The following ENOX2 variants were observed in gnomAD, a reference collection of about 807,000 sequenced individuals.
ENOX2 encodes ecto-NOX disulfide-thiol exchanger 2, also known as APK1 antigen.
In ENOX2, 36 loss-of-function variants were observed where a neutral mutation model predicts 45.0. That is an observed-to-expected ratio of 0.80 (90% CI 0.61 to 1.06). The LOEUF (loss-of-function observed/expected upper bound fraction) is 1.06, where lower values mean the gene tolerates loss of function less well. Ranked by LOEUF, ENOX2 falls within the 50% of genes least tolerant of loss-of-function variation. The pLI is 0.00. For synonymous variants in ENOX2, 174 were observed against 152.3 expected (o/e 1.14, Z -1.05); for missense variants, 423 against 462.5 (o/e 0.91, Z 0.78).
intron 3 of ENOX2, among the ~76,000 whole-genome samples, chrX:130,764,810 A>G (rs775795482): frequency 8.9e-6 from 1 of 112,085 alleles, no homozygotes; most frequent in East Asian, 2.8e-4. Context: ...GTACATCTAT[A>G]GAGTAATTTC....
At chrX:130,661,739 T>G (rs1013281386) in intron 9 of ENOX2, among the ~76,000 whole-genome samples, 12 of 112,637 alleles carry the variant, frequency 1.1e-4, no homozygotes, top group African/African-American at 3.9e-4. Flanking sequence ...CAACAGCCGG[T>G]GTTAGTGCAG....
intron 3 of ENOX2, among the ~76,000 whole-genome samples, chrX:130,734,300 A>G (rs1043932598): frequency 5.3e-5 from 6 of 112,194 alleles, no homozygotes; most frequent in Admixed American, 4.7e-4. Context: ...AAGTCCTCCA[A>G]GCAGCTCTGT....
chrX:130,813,360 A>G (rs2077425033), intron 2 of ENOX2, among the ~76,000 whole-genome samples: 1 of 112,516 alleles, frequency 8.9e-6, no homozygotes, highest in Non-Finnish European at 1.9e-5. Flanking sequence ...ACCTTATCTT[A>G]CACATATACA....
At chrX:130,692,628 T>C (rs184606976) in intron 4 of ENOX2, among the ~76,000 whole-genome samples, 1 of 106,219 alleles carries the variant, frequency 9.4e-6, no homozygotes, top group Non-Finnish European at 1.9e-5. Context: ...TTGCCCAGGC[T>C]GGAGTGGAGT....
intron 2 of ENOX2, among the ~76,000 whole-genome samples, chrX:130,875,708 C>T (rs1383038004): frequency 1.8e-5 from 2 of 111,393 alleles, no homozygotes; most frequent in Non-Finnish European, 3.8e-5. Flanking sequence ...TCTTAGAAAA[C>T]ATGAAAGTGA....
intron 3 of ENOX2, among the ~76,000 whole-genome samples, chrX:130,777,480 A>ACT (rs1314517134): frequency 4.3e-4 from 41 of 95,351 alleles, no homozygotes; most frequent in African/African-American, 1.5e-3. Context: ...ACAGAGTGAG[A>ACT]CTCTCTCTCT....
intron 13 of ENOX2, among the ~76,000 whole-genome samples, chrX:130,630,692 T>C (rs929568143): frequency 7.2e-5 from 8 of 111,368 alleles, no homozygotes; most frequent in African/African-American, 2.3e-4. Context: ...TAGCAAATTA[T>C]CAAACCTGGG....
At chrX:130,768,490 C>T (rs774304535) in intron 3 of ENOX2, among the ~76,000 whole-genome samples, 1 of 112,057 alleles carries the variant, frequency 8.9e-6, no homozygotes, top group East Asian at 2.8e-4. Flanking sequence ...TTTCCAACCA[C>T]CCCAGCCTGC....
chrX:130,664,137 T>C (rs1250214108), intron 9 of ENOX2, among the ~76,000 whole-genome samples: 1 of 112,400 alleles, frequency 8.9e-6, no homozygotes, highest in Non-Finnish European at 1.9e-5. Context: ...GATTTCTTTC[T>C]AGTGACTCCC....
At chrX:130,709,924 C>T (rs993688993) in intron 3 of ENOX2, among the ~76,000 whole-genome samples, 5 of 109,936 alleles carry the variant, frequency 4.5e-5, no homozygotes, top group Admixed American at 9.7e-5. Flanking sequence ...TAGCCCCCCA[C>T]CCCCTGACAG....
At chrX:130,766,027 C>A (rs1201794175) in intron 3 of ENOX2, among the ~76,000 whole-genome samples, 1 of 111,361 alleles carries the variant, frequency 9.0e-6, no homozygotes, top group Non-Finnish European at 1.9e-5. Flanking sequence ...ATTCTAATTA[C>A]ATAAGAAAGA....
chrX:130,637,355 C>T lies in ENOX2; in HGVS notation c.1185G>A (p.Gln395=). Reference sequence around the variant, plus strand: ...CTACTTCATTCCGGTAGGCATCGAGCTGCCAACGGAGGCTGTCATTTTCTT... The same window carrying T: ...CTACTTCATTCCGGTAGGCATCGAGTTGCCAACGGAGGCTGTCATTTTCTT... The part of the protein sequence containing the change: ...LKEENDSLRW[Q]LDAYRNEVEL... The change falls in exon 11 of 15, where the codon CAG becomes CAA. Residue 395 remains glutamine (Q), a synonymous_variant. Coordinates refer to ENST00000394363, the MANE Select transcript of ENOX2 (RefSeq NM_006375.4). The T allele has an allele frequency of 8.3e-7, 1 of 1,210,614 alleles. No homozygotes were observed.
intron 6 of ENOX2, among the ~76,000 whole-genome samples, chrX:130,672,812 C>T (rs1049913934): frequency 2.7e-5 from 3 of 111,443 alleles, no homozygotes; most frequent in Admixed American, 1.9e-4. Flanking sequence ...GAAGAGACCT[C>T]GGCACATTTC....
chrX:130,677,406 G>C (rs2037181270), intron 6 of ENOX2, among the ~76,000 whole-genome samples: 1 of 112,118 alleles, frequency 8.9e-6, no homozygotes. Flanking sequence ...ATAGCATCTA[G>C]CACAAGAGTT....
rs763643547 is a variant in ENOX2 at position 130,697,083 on chromosome X, A to C, written c.97+6037T>G. On this transcript the variant is annotated intron_variant, in intron 4 of 14. Coordinates refer to ENST00000394363, the MANE Select transcript of ENOX2 (RefSeq NM_006375.4). The stretch of plus-strand genomic sequence containing the variant: ...ATAAGCTGCCTCAAAGTCTTTGCTG[A>C]ATGAGGTGATGTAACTCAATAGTTA... 1.5e-4 allele frequency among the ~76,000 whole-genome samples: 17 copies of C among 111,590 alleles called. No homozygotes were observed. The South Asian group carries it at 5.7e-3, about 37-fold the overall frequency.
chrX:130,662,176 G>A (rs1425882052), intron 9 of ENOX2, among the ~76,000 whole-genome samples: 11 of 112,070 alleles, frequency 9.8e-5, no homozygotes, highest in Non-Finnish European at 1.5e-4. Flanking sequence ...GTTTTCAGTT[G>A]TATTAGCAGG....
chrX:130,824,170 T>C (rs1239956555), intron 2 of ENOX2, among the ~76,000 whole-genome samples: 6 of 111,817 alleles, frequency 5.4e-5, no homozygotes, highest in Non-Finnish European at 1.1e-4. Context: ...GAAAGAAATA[T>C]ACCGAATTAT....
intron 3 of ENOX2, among the ~76,000 whole-genome samples, chrX:130,705,061 C>G (rs2038001674): frequency 1.8e-5 from 2 of 112,301 alleles, no homozygotes; most frequent in Non-Finnish European, 3.8e-5. Flanking sequence ...AAGCCCCCAG[C>G]TAGGGGAGGT....
chrX:130,735,647 G>C (rs749078673), intron 3 of ENOX2, among the ~76,000 whole-genome samples: 1 of 112,235 alleles, frequency 8.9e-6, no homozygotes, highest in African/African-American at 3.2e-5. Context: ...ATACAAGTAT[G>C]AAAAGTTGTA....
Sources: gnomAD v4.1 joint callset for allele counts (sites outside exome capture counted in the v4.1 genomes callset) on GRCh38, gnomAD v4.1.1 for gene constraint, MANE v1.5 for transcripts, NCBI Gene and HGNC (gene_info 2026-07-23, HGNC 2026-07-21) for gene names.